Variants in APOBR observed in about 807,000 individuals in gnomAD.
APOBR encodes the protein apolipoprotein B receptor.
APOBR carries 57 observed loss-of-function variants against 88.5 expected under a neutral mutation model. The ratio of observed to expected loss-of-function variants is 0.64; its 90% CI spans 0.52 to 0.80. The LOEUF is 0.80. APOBR is among the 30% of genes least tolerant of loss of function. The pLI is 0.00. For missense variants in APOBR, 1,443 were observed against 1,401.6 expected (o/e 1.03, Z -0.47); for synonymous variants, 588 against 572.7 (o/e 1.03, Z -0.38).
Position 28,496,299 on chromosome 16 carries a change from G to A in APOBR, c.1258G>A (p.Glu420Lys), listed in dbSNP as rs778191419. The A allele has an allele frequency of 1.9e-6, 3 of 1,592,478 alleles. No homozygotes were observed. The highest frequency in any genetic ancestry group is 2.6e-6 in the Non-Finnish European group (3 of 1,170,556). Residue 420 changes from glutamate (E) to lysine (K), a missense_variant, in exon 2 of 4, where the codon GAG becomes AAG. Glu to Lys is a moderately conservative substitution (Grantham distance 56). Transcript: ENST00000564831. ...EEEGDEEREAEVSPFPKQPQV... is the reference protein window; with the variant it reads ...EEEGDEEREAKVSPFPKQPQV... ...GGAGGGGGATGAGGAGAGAGAGGCTGAGGTGAGCCCTTTCCCCAAACAGCC... is the reference window on the plus strand; with the variant it reads ...GGAGGGGGATGAGGAGAGAGAGGCTAAGGTGAGCCCTTTCCCCAAACAGCC...
rs373501726 is a variant in APOBR, at chr16:28,497,290, C to T, written c.2249C>T (p.Pro750Leu). Reference protein sequence around the residue: ...WRLQAVAVGLPDREDAQTGSV... With the variant: ...WRLQAVAVGLLDREDAQTGSV... ...CTGCAAGCGGTGGCTGTGGGCCTCC[C>T]GGACCGTGAGGATGCACAGACTGGC... Residue 750 changes from proline (P) to leucine (L), a missense_variant, in exon 2 of 4, where the codon CCG becomes CTG. By Grantham distance (98) the Pro-to-Leu change is moderately conservative (BLOSUM62 -3). Transcript: ENST00000564831. The T allele has an allele frequency of 5.5e-5, 87 of 1,593,562 alleles. No homozygotes were observed. The highest frequency in any genetic ancestry group is 1.7e-4 in the Middle Eastern group (1 of 6,060).
At position 28,496,480 on chromosome 16, in the gene APOBR, C is replaced by A. The variant is rs1184968558; in HGVS notation, c.1439C>A (p.Ala480Asp). ...ATGAGGCAGGACTTGGGGATCAGGGCCGACCGGGCCAGGATGGAAGAGCTG... is the reference window on the plus strand; with the variant it reads ...ATGAGGCAGGACTTGGGGATCAGGGACGACCGGGCCAGGATGGAAGAGCTG... ...AEMRQDLGIR[A>D]DRARMEELVQ... Residue 480 changes from alanine to aspartate, a missense_variant, in exon 2 of 4, where the codon GCC becomes GAC. Physicochemically the swap from Ala to Asp is moderately radical, Grantham distance 126. Coordinates refer to ENST00000564831, the MANE Select transcript of APOBR (RefSeq NM_018690.4). The A allele has an allele frequency of 1.9e-6, 3 of 1,605,104 alleles. No individual in the cohort carries two copies. Among genetic ancestry groups the A allele is most frequent in the Non-Finnish European group, 2.6e-6 (3 of 1,175,736 alleles).
In APOBR at chr16:28,495,895, C is replaced by T. The variant is rs1207869188; in HGVS notation, c.854C>T (p.Thr285Ile). ...ATCTTAGGCAGAGAGGAGGCCAGGA[C>T]AACCCCAGGTAGGGAAGAGGCCAGG... ...WGILGREEARTTPGREEARAI... is the reference protein window; with the variant it reads ...WGILGREEARITPGREEARAI... Residue 285 changes from threonine to isoleucine, a missense_variant, in exon 2 of 4, where the codon ACA (threonine) becomes ATA (isoleucine). Physicochemically the swap from Thr to Ile is moderately conservative, Grantham distance 89. Coordinates refer to ENST00000564831, the MANE Select transcript of APOBR (RefSeq NM_018690.4). 3 of 1,611,638 alleles carry T rather than the reference C, an allele frequency of 1.9e-6. No homozygotes were observed. Among genetic ancestry groups the T allele is most frequent in the Non-Finnish European group, 1.7e-6 (2 of 1,178,940 alleles).
chr16:28,495,472 CA>C lies in APOBR; in HGVS notation c.432del (p.Ser146LeufsTer22). The C allele has an allele frequency of 1.9e-6, 3 of 1,563,736 alleles. No individual in the cohort carries two copies. Among genetic ancestry groups the C allele is most frequent in the South Asian group, 2.4e-5 (2 of 84,818 alleles). ...TTGGAGGCCAGAAAGAAATCCAAGG[CA>C]GGGTCTGGGGCTTGCCAAGACAGGA... Reference protein sequence around the residue: ...AHLEARKKSKAGSGACQDRSG... With the variant: ...AHLEARKKSKXGSGACQDRSG... On this transcript the variant is annotated frameshift_variant, in exon 2 of 4. Coordinates refer to ENST00000564831, the MANE Select transcript of APOBR (RefSeq NM_018690.4). LOFTEE classifies it high-confidence loss of function.
rs1362515966 is a variant in APOBR at position 28,498,863 on chromosome 16, G to T, written c.*358G>T. ...TTTGGGAGGCCAAGGTGGGAGGATC[G>T]CTTGAGACCAGGAGTTCGAGACCAG... On this transcript the variant is annotated 3_prime_UTR_variant, in exon 4 of 4. Transcript: ENST00000564831. The T allele has an allele frequency of 3.5e-6, 2 of 571,970 alleles. No homozygotes were observed. The highest frequency in any genetic ancestry group is 3.2e-6 in the Non-Finnish European group (1 of 308,702). 35.4% of individuals were successfully genotyped at this position (571,970 alleles called of 1,614,324 possible). A position where few individuals can be genotyped will look rare whatever the true frequency, so the allele number is the denominator to read the frequency against.
Position 28,498,678 on chromosome 16 carries a change from G to A in APOBR, c.*173G>A, listed in dbSNP as rs1029805000. ...GCAAAACCAGACGTCTGGGAAGACC[G>A]TGAACTTAAGGAGTCTGATTCTCCG... On this transcript the variant is annotated 3_prime_UTR_variant, in exon 4 of 4. Coordinates refer to ENST00000564831, the MANE Select transcript of APOBR (RefSeq NM_018690.4). 3.8e-5 allele frequency: 28 copies of A among 744,058 alleles called. No individual in the cohort carries two copies. The highest frequency in any genetic ancestry group is 7.8e-4 in the Middle Eastern group (2 of 2,570). 46.1% of individuals were successfully genotyped at this position (744,058 alleles called of 1,614,324 possible).
chr16:28,498,960 G>A lies in APOBR; in HGVS notation c.*455G>A, dbSNP rs1261947981. The A allele has an allele frequency of 2.0e-5, 8 of 395,916 alleles. No homozygotes were observed. The highest frequency in any genetic ancestry group is 3.4e-5 in the Non-Finnish European group (7 of 203,340). The allele number at this position is 395,916 out of a possible 1,614,324, so 24.5% of individuals were successfully genotyped here. A position where few individuals can be genotyped will look rare whatever the true frequency, so the allele number is the denominator to read the frequency against. ...CAATAAAGACTGCAAGGAAGACTGAGGGAACAGCGACCATTTTCCTTACAG... is the reference window on the plus strand; with the variant it reads ...CAATAAAGACTGCAAGGAAGACTGAAGGAACAGCGACCATTTTCCTTACAG... On this transcript the variant is annotated 3_prime_UTR_variant, in exon 4 of 4. Coordinates refer to ENST00000564831, the MANE Select transcript of APOBR (RefSeq NM_018690.4).
Position 28,495,234 on chromosome 16 carries a change from G to A in APOBR, c.193G>A (p.Glu65Lys), listed in dbSNP as rs762978079. 23 of 1,542,130 alleles carry A rather than the reference G, an allele frequency of 1.5e-5. No homozygotes were observed. The highest frequency in any genetic ancestry group is 2.2e-5 in the Admixed American group (1 of 45,696). ...TGKIVEEEAQ[E>K]DLEGLRGSQN... The stretch of plus-strand genomic sequence containing the variant: ...GAAGATTGTAGAGGAGGAAGCCCAG[G>A]AGGACCTGGAGGGCCTTAGAGGCAG... Residue 65 changes from glutamate to lysine, a missense_variant, in exon 2 of 4, where the codon GAG becomes AAG. Physicochemically the swap from Glu to Lys is moderately conservative, Grantham distance 56 (BLOSUM62 1). Transcript: ENST00000564831.
At position 28,496,862 on chromosome 16, in the gene APOBR, G is replaced by A; in HGVS notation, c.1821G>A (p.Arg607=). 6.4e-7 allele frequency: 1 copy of A among 1,558,978 alleles called. No homozygotes were observed. Among genetic ancestry groups the A allele is most frequent in the South Asian group, 1.2e-5 (1 of 84,608 alleles). ...EQERSLEAGP[R]HAGSVKPEAS... ...AGAGGAGCCTGGAGGCAGGTCCCAG[G>A]CACGCGGGGTCTGTAAAGCCTGAGG... Residue 607 remains arginine (R), a synonymous_variant, in exon 2 of 4, where the codon AGG becomes AGA. Coordinates refer to ENST00000564831, the MANE Select transcript of APOBR (RefSeq NM_018690.4).
rs1407392999 is a variant in APOBR at position 28,497,341 on chromosome 16, G to A, written c.2300G>A (p.Gly767Asp). 5.0e-6 allele frequency: 8 copies of A among 1,607,162 alleles called. No homozygotes were observed. Among genetic ancestry groups the A allele is most frequent in the South Asian group, 1.1e-5 (1 of 90,158 alleles). The change falls in exon 2 of 4, where the codon GGT (glycine) becomes GAT (aspartate). Residue 767 changes from glycine to aspartate, a missense_variant. Transcript: ENST00000564831. The stretch of plus-strand genomic sequence containing the variant: ...TCTGTGGCTGCTGGGATTATGGGGG[G>A]TGATGTGGTCCCACACATCAGCGCT... ...TGSVAAGIMG[G>D]DVVPHISAAG...
chr16:28,495,427 G>T lies in APOBR; in HGVS notation c.386G>T (p.Cys129Phe). 1.3e-6 allele frequency: 2 copies of T among 1,561,238 alleles called. No homozygotes were observed. Among genetic ancestry groups the T allele is most frequent in the South Asian group, 1.2e-5 (1 of 84,678 alleles). ...GGGGAGACAGCCAAGGCTGCCAGGT[G>T]CCAGGAGCCAAGCGCCCACTTGGAG... The part of the protein sequence containing the change: ...GAGETAKAAR[C>F]QEPSAHLEAR... The change falls in exon 2 of 4, where the codon TGC becomes TTC. Residue 129 changes from cysteine (C) to phenylalanine (F), a missense_variant. By Grantham distance (205) the Cys-to-Phe change is radical (BLOSUM62 -2). Transcript: ENST00000564831.
chr16:28,498,125 TCGCGTG>T lies in APOBR; in HGVS notation c.3002_3007del (p.Arg1001_Val1002del). 6.3e-7 allele frequency: 1 copy of T among 1,590,278 alleles called. No homozygotes were observed. Among genetic ancestry groups the T allele is most frequent in the Non-Finnish European group, 8.5e-7 (1 of 1,173,326 alleles). ...TCCTAGACGTCTCTGTCCCAAGGAG[TCGCGTG>T]CACCTCTCGAGAAGCTCCTCACAGC... On this transcript the variant is annotated inframe_deletion, in exon 3 of 4. Coordinates refer to ENST00000564831, the MANE Select transcript of APOBR (RefSeq NM_018690.4).
intron 1 of APOBR, 33 bp from the exon 2 acceptor site, chr16:28,495,066 A>G (rs1358954411): frequency 4.8e-6 from 7 of 1,467,022 alleles, no homozygotes; most frequent in Non-Finnish European, 3.6e-6. Flanking sequence ...ACTCTCCTCA[A>G]TGACTCTCCC....
In APOBR at chr16:28,495,835, C is replaced by T. The variant is rs372252945; in HGVS notation, c.794C>T (p.Thr265Met). The T allele has an allele frequency of 1.7e-4, 267 of 1,607,854 alleles. No homozygotes were observed. The highest frequency in any genetic ancestry group is 2.1e-4 in the Non-Finnish European group (251 of 1,177,610). The change falls in exon 2 of 4, where the codon ACG becomes ATG. Residue 265 changes from threonine to methionine, a missense_variant. Coordinates refer to ENST00000564831, the MANE Select transcript of APOBR (RefSeq NM_018690.4). The stretch of plus-strand genomic sequence containing the variant: ...TGTGAAAGCACTAGGGCATGGGGGA[C>T]GTGGGGCCCAGGGGCAGAGCCTGAG... ...KACESTRAWG[T>M]WGPGAEPEDW...
chr16:28,498,583 C>T lies in APOBR; in HGVS notation c.*78C>T. On this transcript the variant is annotated 3_prime_UTR_variant, in exon 4 of 4. Transcript: ENST00000564831. Reference sequence around the variant, plus strand: ...CTCCAATGCCACTGAGCCCTGCTCCCTCTGCCACTGTGGACACATCCTCTC... The same window carrying T: ...CTCCAATGCCACTGAGCCCTGCTCCTTCTGCCACTGTGGACACATCCTCTC... The T allele has an allele frequency of 2.0e-6, 3 of 1,475,016 alleles. No homozygotes were observed. Among genetic ancestry groups the T allele is most frequent in the Non-Finnish European group, 2.7e-6 (3 of 1,093,448 alleles). 91.4% of individuals were successfully genotyped at this position (1,475,016 alleles called of 1,614,324 possible).
rs887925166 is a variant in APOBR, at chr16:28,496,867, C to CG, written c.1830dup (p.Ser611ValfsTer5). ...AGCCTGGAGGCAGGTCCCAGGCACGCGGGGTCTGTAAAGCCTGAGGCCTCC... is the reference window on the plus strand; with the variant it reads ...AGCCTGGAGGCAGGTCCCAGGCACGCGGGGGTCTGTAAAGCCTGAGGCCTCC... On this transcript the variant is annotated frameshift_variant, in exon 2 of 4. Coordinates refer to ENST00000564831, the MANE Select transcript of APOBR (RefSeq NM_018690.4). LOFTEE classifies it high-confidence loss of function. 6.4e-7 allele frequency: 1 copy of CG among 1,559,328 alleles called. No homozygotes were observed. The highest frequency in any genetic ancestry group is 8.7e-7 in the Non-Finnish European group (1 of 1,151,666).
Position 28,497,592 on chromosome 16 carries a change from G to A in APOBR, c.2551G>A (p.Asp851Asn). 6.2e-7 allele frequency: 1 copy of A among 1,606,272 alleles called. No individual in the cohort carries two copies. Residue 851 changes from aspartate to asparagine, a missense_variant, in exon 2 of 4, where the codon GAC becomes AAC. By Grantham distance (23) the Asp-to-Asn change is conservative. Transcript: ENST00000564831. The part of the protein sequence containing the change: ...VEAEESAGAE[D>N]SCGLDPAGSQ... ...GGCCGAGGAATCTGCAGGCGCAGAGGACAGCTGTGGGCTGGATCCCGCGGG... is the reference window on the plus strand; with the variant it reads ...GGCCGAGGAATCTGCAGGCGCAGAGAACAGCTGTGGGCTGGATCCCGCGGG...
chr16:28,495,898 C>T lies in APOBR; in HGVS notation c.857C>T (p.Thr286Ile). The T allele has an allele frequency of 1.9e-6, 3 of 1,611,696 alleles. No individual in the cohort carries two copies. Among genetic ancestry groups the T allele is most frequent in the Non-Finnish European group, 2.5e-6 (3 of 1,179,018 alleles). Residue 286 changes from threonine (T) to isoleucine (I), a missense_variant, in exon 2 of 4, where the codon ACC becomes ATC. Thr to Ile is a moderately conservative substitution (Grantham distance 89). Transcript: ENST00000564831. ...GILGREEART[T>I]PGREEARAIL... ...TTAGGCAGAGAGGAGGCCAGGACAA[C>T]CCCAGGTAGGGAAGAGGCCAGGGCA...
In APOBR at chr16:28,496,954, A is replaced by G; in HGVS notation, c.1913A>G (p.Gln638Arg). The G allele has an allele frequency of 6.4e-7, 1 of 1,558,810 alleles. No homozygotes were observed. Among genetic ancestry groups the G allele is most frequent in the Non-Finnish European group, 8.7e-7 (1 of 1,152,144 alleles). ...TRKDMERGNT[Q>R]EDAADGEQRE... ...AAGGACATGGAGAGAGGAAATACTCAGGAGGATGCGGCCGATGGCGAGCAG... is the reference window on the plus strand; with the variant it reads ...AAGGACATGGAGAGAGGAAATACTCGGGAGGATGCGGCCGATGGCGAGCAG... Residue 638 changes from glutamine to arginine, a missense_variant, in exon 2 of 4, where the codon CAG (glutamine) becomes CGG (arginine). By Grantham distance (43) the Gln-to-Arg change is conservative. Coordinates refer to ENST00000564831, the MANE Select transcript of APOBR (RefSeq NM_018690.4).
Sources: allele counts gnomAD v4.1 joint callset, GRCh38; gene constraint gnomAD v4.1.1; transcripts MANE v1.5; gene names NCBI Gene and HGNC (gene_info 2026-07-23, HGNC 2026-07-21).